The following EYA1 variants were observed in gnomAD, a reference collection of about 807,000 sequenced individuals.
EYA1 encodes protein phosphatase EYA1.
Under a neutral mutation model 82.0 loss-of-function variants are expected in EYA1, and 16 were observed. The ratio of observed to expected loss-of-function variants is 0.20; its 90% confidence interval spans 0.13 to 0.30. EYA1 has a LOEUF of 0.30. Ranked by LOEUF, EYA1 falls within the 10% of genes least tolerant of loss-of-function variation. The pLI, the probability that EYA1 is intolerant of heterozygous loss-of-function variation, is 1.00. For synonymous variants in EYA1, 261 were observed against 264.4 expected, an observed-to-expected ratio of 0.99 and a Z score of 0.12; for missense variants, 633 against 730.7, an observed-to-expected ratio of 0.87 and a Z score of 1.54.
At chr8:71,207,121 AGCTTGAGTTTT>A (rs1807885943) in intron 17 of EYA1, among the ~76,000 whole-genome samples, 1 of 152,180 alleles carries the variant, frequency 6.6e-6, no homozygotes, top group South Asian at 2.1e-4. Context: ...TAGTTTCTTT[AGCTTGAGTTTT>A]CATATGTAGT....
chr8:71,480,344 G>A (rs7013066), intron 2 of EYA1, among the ~76,000 whole-genome samples: 21,800 of 152,058 alleles, frequency 0.14, 2,764 homozygotes, highest in East Asian at 0.47. Context: ...GATTACCGGG[G>A]TACAAAATGG....
chr8:71,481,511 G>T (rs1810158087), intron 2 of EYA1, among the ~76,000 whole-genome samples: 2 of 152,070 alleles, frequency 1.3e-5, no homozygotes, highest in South Asian at 4.1e-4. Flanking sequence ...AAAGAAAAAT[G>T]TTTTTTTCTG....
chr8:71,202,224 T>C (rs1289987742), intron 17 of EYA1, among the ~76,000 whole-genome samples: 1 of 149,522 alleles, frequency 6.7e-6, no homozygotes, highest in African/African-American at 2.5e-5. Flanking sequence ...ATGCCATGAC[T>C]CTCAGAGAAA....
intron 2 of EYA1, among the ~76,000 whole-genome samples, chr8:71,532,139 A>G (rs972531478): frequency 6.6e-6 from 1 of 152,182 alleles, no homozygotes; most frequent in East Asian, 1.9e-4. Flanking sequence ...TCCCTCAAGT[A>G]TCATCAGTTC....
chr8:71,452,200 A>C (rs1807444892), intron 2 of EYA1, among the ~76,000 whole-genome samples: 1 of 152,190 alleles, frequency 6.6e-6, no homozygotes, highest in Non-Finnish European at 1.5e-5. Context: ...ATCCAACTGC[A>C]AGGCAGCGGC....
intron 2 of EYA1, among the ~76,000 whole-genome samples, chr8:71,483,379 G>A (rs757398996): frequency 6.6e-6 from 1 of 152,120 alleles, no homozygotes; most frequent in Non-Finnish European, 1.5e-5. Context: ...ATGTGTACCT[G>A]TGTGTGTGTT....
chr8:71,334,633 C>T (rs1459669720), intron 3 of EYA1, among the ~76,000 whole-genome samples: 1 of 152,050 alleles, frequency 6.6e-6, no homozygotes, highest in Admixed American at 6.6e-5. Context: ...GCAAGGTCTC[C>T]CCCACCACAC....
rs187085922 is a variant in EYA1 at position 71,522,587 on chromosome 8, T to C, written c.33+13157A>G. ...AGTGGTTTAATGACTTAAAAATATA[T>C]GATGTATGGAAAATTCTGCTATCAA... On this transcript the variant is annotated intron_variant, in intron 2 of 18. Coordinates refer to the EYA1 transcript ENST00000643681. Among the ~76,000 whole-genome samples the C allele has an allele frequency of 1.1e-3, 167 of 152,030 alleles. 1 individual carries two copies. The highest frequency in any genetic ancestry group is 1.7e-3 in the Non-Finnish European group (116 of 67,972).
At chr8:71,309,424 G>A (rs1191965503) in intron 7 of EYA1, among the ~76,000 whole-genome samples, 1 of 151,830 alleles carries the variant, frequency 6.6e-6, no homozygotes, top group African/African-American at 2.4e-5. Flanking sequence ...TGAGAAGAGT[G>A]GCAAAGCAAT....
In EYA1 at chr8:71,506,018, C is replaced by A. The variant is rs191765677; in HGVS notation, c.33+29726G>T. ...CTCCTGCTGCCTTGTGCAGATGGTA[C>A]CTGCTTCCCCTTCTGCCATGATTGT... On this transcript the variant is annotated intron_variant, in intron 2 of 18. Transcript: ENST00000643681. Among the ~76,000 whole-genome samples the A allele has an allele frequency of 4.1e-3, 629 of 152,276 alleles. 22 individuals carry two copies. The highest frequency in any genetic ancestry group is 0.039 in the Admixed American group (603 of 15,292).
upstream of EYA1, among the ~76,000 whole-genome samples, chr8:71,364,105 A>G (rs1359706932): frequency 6.6e-6 from 1 of 151,938 alleles, no homozygotes; most frequent in African/African-American, 2.4e-5. Context: ...AATGATGCAT[A>G]TAATTATGAA....
chr8:71,422,600 T>A (rs1010848422), intron 2 of EYA1, among the ~76,000 whole-genome samples: 25 of 152,212 alleles, frequency 1.6e-4, no homozygotes, highest in African/African-American at 5.8e-4. Flanking sequence ...GACTGGGTAA[T>A]TTATAAAGGA....
intron 2 of EYA1, among the ~76,000 whole-genome samples, chr8:71,472,496 T>C (rs1342158111): frequency 2.0e-5 from 3 of 152,072 alleles, no homozygotes; most frequent in Non-Finnish European, 1.5e-5. Flanking sequence ...TCATTAATTA[T>C]TACAGATAAA....
chr8:71,283,878 G>C (rs981630350), intron 9 of EYA1, among the ~76,000 whole-genome samples: 5 of 152,166 alleles, frequency 3.3e-5, no homozygotes, highest in African/African-American at 1.2e-4. Context: ...TTTCTACCCA[G>C]ATCTGTTTAG....
chr8:71,361,892 C>A lies in EYA1; in HGVS notation c.-300G>T. The A allele has an allele frequency of 1.2e-5, 12 of 985,474 alleles. No individual in the cohort carries two copies. Among genetic ancestry groups the A allele is most frequent in the Non-Finnish European group, 1.4e-5 (12 of 829,980 alleles). 61.0% of individuals were successfully genotyped at this position (985,474 alleles called of 1,614,324 possible). A position where few individuals can be genotyped will look rare whatever the true frequency, so the allele number is the denominator to read the frequency against. Reference sequence around the variant, plus strand: ...CGAGCGACTGAGCGAAAACGTGTTCCCCAGGAAGAAACCCGCCACAGTGGA... The same window carrying A: ...CGAGCGACTGAGCGAAAACGTGTTCACCAGGAAGAAACCCGCCACAGTGGA... On this transcript the variant is annotated 5_prime_UTR_variant, in exon 1 of 18. Transcript: ENST00000340726.
chr8:71,314,548 A>G (rs1210860418), intron 7 of EYA1, among the ~76,000 whole-genome samples: 1 of 152,192 alleles, frequency 6.6e-6, no homozygotes, highest in Non-Finnish European at 1.5e-5. Context: ...GAATATTTGC[A>G]TTATATACTG....
At chr8:71,486,271 T>C (rs1563663107) in intron 2 of EYA1, among the ~76,000 whole-genome samples, 1 of 152,126 alleles carries the variant, frequency 6.6e-6, no homozygotes, top group Non-Finnish European at 1.5e-5. Context: ...TGCAAGGAAT[T>C]TTCCCTTGGG....
chr8:71,469,321 G>T (rs1416070838), intron 2 of EYA1, among the ~76,000 whole-genome samples: 1 of 152,020 alleles, frequency 6.6e-6, no homozygotes, highest in African/African-American at 2.4e-5. Context: ...AGAGTCAAAG[G>T]TGTATGCAAG....
Position 71,239,960 on chromosome 8 carries a change from TTTC to T in EYA1, c.1140+4640_1140+4642del, listed in dbSNP as rs1812278989. ...CCAAGTGCTTTACTTGAAATCGAAG[TTTC>T]TTAACATTGGCGTAACTGATATTTT... On this transcript the variant is annotated intron_variant, in intron 12 of 17. Coordinates refer to ENST00000340726, the MANE Select transcript of EYA1 (RefSeq NM_000503.6). 2.0e-5 allele frequency among the ~76,000 whole-genome samples: 3 copies of T among 152,198 alleles called. No homozygotes were observed. The South Asian group carries it at 6.2e-4, about 32-fold the overall frequency.
Sources: allele counts gnomAD v4.1 joint callset (sites outside exome capture counted in the v4.1 genomes callset), GRCh38; gene constraint gnomAD v4.1.1; transcripts MANE v1.5; gene names NCBI Gene and HGNC (gene_info 2026-07-23, HGNC 2026-07-21).